TNIK: variants seen among roughly 807,000 people sequenced by gnomAD.
The protein encoded by TNIK is TRAF2 and NCK-interacting protein kinase.
TNIK carries 49 observed loss-of-function variants against 191.3 expected under a neutral mutation model. The observed-to-expected ratio is 0.26, with a 90% CI of 0.20 to 0.32. The LOEUF is 0.32. Ranked by LOEUF, TNIK falls within the 10% of genes least tolerant of loss-of-function variation. The probability of loss-of-function intolerance (pLI) is 1.00; values close to 1 mark genes in which losing one functional copy is unlikely to be tolerated. For synonymous variants in TNIK, 594 were observed against 600.9 expected (o/e 0.99, Z 0.17); for missense variants, 1,155 against 1,702.3 (o/e 0.68, Z 5.66).
intron 1 of TNIK, among the ~76,000 whole-genome samples, chr3:171,424,845 A>AG (rs1338633172): frequency 1.5e-5 from 1 of 68,392 alleles, no homozygotes; most frequent in Non-Finnish European, 2.6e-5. Flanking sequence ...GGGTGGGGGG[A>AG]GGGGGGAGGG....
intron 4 of TNIK, among the ~76,000 whole-genome samples, chr3:171,208,275 G>A (rs548553412): frequency 1.3e-5 from 2 of 151,946 alleles, no homozygotes; most frequent in African/African-American, 2.4e-5. Flanking sequence ...GAGCTATCAC[G>A]GTGCCACCGC....
intron 3 of TNIK, among the ~76,000 whole-genome samples, chr3:171,218,580 C>T (rs1741754163): frequency 2.0e-5 from 3 of 150,326 alleles, no homozygotes; most frequent in Admixed American, 2.0e-4. Flanking sequence ...ATGTTCCCCC[C>T]TTTTGGCTTT....
chr3:171,395,384 A>T (rs2108558988), intron 1 of TNIK, among the ~76,000 whole-genome samples: 1 of 152,332 alleles, frequency 6.6e-6, no homozygotes, highest in Non-Finnish European at 1.5e-5. Flanking sequence ...GATTGCATAT[A>T]AAGCTCCTCT....
chr3:171,137,979 A>AAAAAAC (rs869263034), intron 15 of TNIK, among the ~76,000 whole-genome samples: 8 of 130,080 alleles, frequency 6.2e-5, no homozygotes, highest in African/African-American at 1.5e-4. Context: ...AAAAAAAAAA[A>AAAAAAC]AAAAACAAAA....
At chr3:171,127,000 T>C (rs1056952322) in intron 16 of TNIK, among the ~76,000 whole-genome samples, 5 of 152,214 alleles carry the variant, frequency 3.3e-5, no homozygotes, top group African/African-American at 1.2e-4. Flanking sequence ...TCTAAGCGTG[T>C]CTCCTATTAC....
chr3:171,347,032 TGA>T, intron 2 of TNIK: 1 of 1,104,950 alleles, frequency 9.1e-7, no homozygotes, highest in African/African-American at 1.6e-5. Context: ...GGCGTTCATA[TGA>T]GAGATGTGCA....
Position 171,159,363 on chromosome 3 carries a change from G to A in TNIK, c.1017-1699C>T, listed in dbSNP as rs1013553314. On this transcript the variant is annotated intron_variant, in intron 11 of 32. Transcript: ENST00000436636. This position sits in a 1 kb window ranked among gnomAD's most constrained non-coding sequence, Gnocchi z 4.1. The stretch of plus-strand genomic sequence containing the variant: ...ATGCTGAGGGAGGAGCAAGTTTCGT[G>A]GCAGTTAACAAGAGGACCAAGGATC... Among the ~76,000 whole-genome samples the A allele has an allele frequency of 5.9e-5, 9 of 151,458 alleles. No homozygotes were observed. Among genetic ancestry groups the A allele is most frequent in the Non-Finnish European group, 1.3e-4 (9 of 67,904 alleles).
chr3:171,396,894 A>G (rs1289732784), intron 1 of TNIK, among the ~76,000 whole-genome samples: 1 of 152,198 alleles, frequency 6.6e-6, no homozygotes, highest in Admixed American at 6.6e-5. Context: ...CTAAAGATGG[A>G]ATATAAAAAT....
intron 2 of TNIK, among the ~76,000 whole-genome samples, chr3:171,298,231 T>C (rs1752523240): frequency 6.6e-6 from 1 of 152,236 alleles, no homozygotes; most frequent in Admixed American, 6.5e-5. Flanking sequence ...ACACTGTCAT[T>C]CATGGTCTTA....
intron 2 of TNIK, among the ~76,000 whole-genome samples, chr3:171,347,656 A>C (rs1559956379): frequency 6.6e-6 from 1 of 152,152 alleles, no homozygotes; most frequent in African/African-American, 2.4e-5. Flanking sequence ...ATTTGGGGGA[A>C]CTTCAAGTGT....
chr3:171,307,629 C>T (rs1033706754), intron 2 of TNIK, among the ~76,000 whole-genome samples: 10 of 152,098 alleles, frequency 6.6e-5, no homozygotes, highest in Admixed American at 2.0e-4. Context: ...TTCAAAACTG[C>T]GTATAAGCCT....
At chr3:171,103,646 GA>G (rs1329721178) in intron 21 of TNIK, among the ~76,000 whole-genome samples, 1 of 151,964 alleles carries the variant, frequency 6.6e-6, no homozygotes, top group Non-Finnish European at 1.5e-5. Context: ...TCTCATCAAA[GA>G]ATACAGCTAG....
At chr3:171,145,381 C>T (rs530692669) in intron 12 of TNIK, among the ~76,000 whole-genome samples, 8 of 152,186 alleles carry the variant, frequency 5.3e-5, no homozygotes, top group South Asian at 4.2e-4. Flanking sequence ...CCACCGCACC[C>T]GGCCACAGCT....
intron 21 of TNIK, among the ~76,000 whole-genome samples, chr3:171,102,741 A>G (rs547258079): frequency 2.0e-5 from 3 of 152,250 alleles, no homozygotes; most frequent in African/African-American, 7.2e-5. Flanking sequence ...TTCTATGGCC[A>G]TATTCTCTCT....
At chr3:171,232,504 C>A (rs1457926510) in intron 2 of TNIK, among the ~76,000 whole-genome samples, 1 of 152,092 alleles carries the variant, frequency 6.6e-6, no homozygotes, top group East Asian at 1.9e-4. Flanking sequence ...AAAGGATGAA[C>A]TGAATTATTT....
At chr3:171,257,084 A>G (rs998957660) in intron 2 of TNIK, among the ~76,000 whole-genome samples, 1 of 152,152 alleles carries the variant, frequency 6.6e-6, no homozygotes, top group Non-Finnish European at 1.5e-5. Flanking sequence ...AGGCCGAGAG[A>G]GGAACAATGA....
intron 23 of TNIK, among the ~76,000 whole-genome samples, chr3:171,092,828 TAG>T (rs1289103097): frequency 1.3e-5 from 2 of 152,222 alleles, no homozygotes; most frequent in African/African-American, 4.8e-5. Flanking sequence ...AGTCTGCTAT[TAG>T]AGTTTCCCAA....
rs536741282 is a variant in TNIK at position 171,395,392 on chromosome 3, T to C, written c.58-25707A>G. 7.2e-5 allele frequency among the ~76,000 whole-genome samples: 11 copies of C among 152,332 alleles called. No homozygotes were observed. The South Asian group carries it at 2.1e-3, about 29-fold the overall frequency. On this transcript the variant is annotated intron_variant, in intron 1 of 32. Coordinates refer to ENST00000436636, the MANE Select transcript of TNIK (RefSeq NM_015028.4). Reference sequence around the variant, plus strand: ...AATCAAAGATTGCATATAAAGCTCCTCTAACCGTGCTTGGCACTTAACAGG... The same window carrying C: ...AATCAAAGATTGCATATAAAGCTCCCCTAACCGTGCTTGGCACTTAACAGG...
At chr3:171,278,932 G>T (rs1750108175) in intron 2 of TNIK, among the ~76,000 whole-genome samples, 2 of 152,158 alleles carry the variant, frequency 1.3e-5, no homozygotes, top group Non-Finnish European at 2.9e-5. Context: ...ACTGCCCCAA[G>T]TTAGTGAGAA....
Sources: gnomAD v4.1 joint callset for allele counts (sites outside exome capture counted in the v4.1 genomes callset) on GRCh38, gnomAD v4.1.1 for gene constraint, Gnocchi (gnomAD v3.1) non-coding constraint, MANE v1.5 for transcripts, NCBI Gene and HGNC (gene_info 2026-07-23, HGNC 2026-07-21) for gene names.